Variants in RAB37 observed in about 807,000 individuals in gnomAD.
RAB37 encodes ras-related protein Rab-37.
A neutral mutation model predicts 33.1 loss-of-function variants in RAB37; 29 were observed. That is an observed-to-expected ratio of 0.88 (90% CI 0.65 to 1.20). The LOEUF (loss-of-function observed/expected upper bound fraction) is 1.20. Ranked by LOEUF, RAB37 falls within the 50% of genes most tolerant of loss-of-function variation. The pLI is 0.00. For missense variants in RAB37, 299 were observed against 301.1 expected (o/e 0.99, Z 0.05); for synonymous variants, 128 against 119.5 (o/e 1.07, Z -0.47).
intron 1 of RAB37, among the ~76,000 whole-genome samples, chr17:74,714,107 A>C (rs1032709128): frequency 4.6e-5 from 7 of 152,000 alleles, no homozygotes; most frequent in Non-Finnish European, 1.0e-4. Context: ...GTGACTCGGG[A>C]GGCCGAGGTA....
Position 74,745,139 on chromosome 17 carries a change from A to G in RAB37, c.566+55A>G. ...CGGGGCAGGGCGGCACACTCCAGGA[A>G]TCCAGTAGGGCCCGGCCCCTGGCCC... On this transcript the variant is annotated intron_variant, in intron 8 of 8. Transcript: ENST00000392613. This position sits in a 1 kb window ranked among gnomAD's most constrained non-coding sequence, Gnocchi z 4.5. The G allele has an allele frequency of 6.3e-7, 1 of 1,593,938 alleles. No individual in the cohort carries two copies. The highest frequency in any genetic ancestry group is 8.6e-7 in the Non-Finnish European group (1 of 1,162,872).
intron 1 of RAB37, among the ~76,000 whole-genome samples, chr17:74,711,512 C>A (rs1331695847): frequency 6.6e-6 from 1 of 152,224 alleles, no homozygotes; most frequent in East Asian, 1.9e-4. Flanking sequence ...GCCTAGCAGT[C>A]CTGGACAAGT....
chr17:74,719,717 A>G (rs554688323), intron 1 of RAB37, among the ~76,000 whole-genome samples: 1 of 152,064 alleles, frequency 6.6e-6, no homozygotes, highest in East Asian at 1.9e-4. Flanking sequence ...GGGTCTTCCT[A>G]TGTTTTCAAG....
chr17:74,736,613 TG>T (rs2034478555), upstream of RAB37: 6 of 1,533,382 alleles, frequency 3.9e-6, no homozygotes, highest in Middle Eastern at 3.8e-4. Flanking sequence ...TCTCCCCTGG[TG>T]GGACATTCTG....
At chr17:74,740,295 G>C (rs529418682) in intron 1 of RAB37, among the ~76,000 whole-genome samples, 128 of 151,796 alleles carry the variant, frequency 8.4e-4, no homozygotes, top group Middle Eastern at 3.2e-3. Context: ...GACTCCCTTG[G>C]GTGGGAATCC....
Position 74,695,611 on chromosome 17 carries a change from A to T in RAB37, c.72+23953A>T. On this transcript the variant is annotated intron_variant, in intron 1 of 7. Coordinates refer to the RAB37 transcript ENST00000340415. ...TGCAGTGACTATGGCTTTGCCCCAC[A>T]CCTGCCTCCTCTATGCCCACATGAG... The T allele has an allele frequency of 3.4e-6, 5 of 1,471,248 alleles. No individual in the cohort carries two copies. In the East Asian group the frequency reaches 1.2e-4, roughly 34 times the overall value. 91.1% of individuals were successfully genotyped at this position (1,471,248 alleles called of 1,614,324 possible).
intron 1 of RAB37, among the ~76,000 whole-genome samples, chr17:74,672,330 A>G (rs1429393510): frequency 6.6e-6 from 1 of 152,100 alleles, no homozygotes; most frequent in African/African-American, 2.4e-5. Context: ...CTCTGAAATA[A>G]TCAAAGTGTT....
chr17:74,703,453 G>C (rs1425991193), intron 1 of RAB37, among the ~76,000 whole-genome samples: 5 of 152,046 alleles, frequency 3.3e-5, no homozygotes, highest in Admixed American at 3.3e-4. Flanking sequence ...ACAGTGCCTT[G>C]GTCAATCTCC....
chr17:74,738,743 C>T lies in RAB37; in HGVS notation c.93+1378C>T, dbSNP rs2034540306. ...AGCGGCATTGGCCGGAGAGTTGGTCCCCAGCCTCCCCGGGCCTGCCCCAGG... is the reference window on the plus strand; with the variant it reads ...AGCGGCATTGGCCGGAGAGTTGGTCTCCAGCCTCCCCGGGCCTGCCCCAGG... On this transcript the variant is annotated intron_variant, in intron 1 of 8. Coordinates refer to ENST00000392613, the MANE Select transcript of RAB37 (RefSeq NM_001006638.3). This position sits in a 1 kb window ranked among gnomAD's most constrained non-coding sequence, Gnocchi z 5.0. 6.6e-6 allele frequency among the ~76,000 whole-genome samples: 1 copy of T among 152,128 alleles called. No individual in the cohort carries two copies. The highest frequency in any genetic ancestry group is 1.5e-5 in the Non-Finnish European group (1 of 68,008).
chr17:74,735,038 AAAG>A (rs1217889423), upstream of RAB37, among the ~76,000 whole-genome samples: 1 of 128,990 alleles, frequency 7.8e-6, no homozygotes, highest in Non-Finnish European at 1.7e-5. Flanking sequence ...AGAAAGAAAG[AAAG>A]AAAGAAAGAA....
In RAB37 at chr17:74,745,297, T is replaced by C. The variant is rs538968909; in HGVS notation, c.567-9T>C. ...CCAGCCCAGCCCAGCCCATTGTCTC[T>C]TCTTCAAGGGAACTGAAATACCGGG... On this transcript the variant is annotated splice_polypyrimidine_tract_variant and intron_variant, in intron 8 of 8. Transcript: ENST00000392613. The surrounding 1 kb of genome is among the most constrained non-coding windows in gnomAD (Gnocchi z 4.5). 2 of 1,610,164 alleles carry C rather than the reference T, an allele frequency of 1.2e-6. No individual in the cohort carries two copies. Among genetic ancestry groups the C allele is most frequent in the East Asian group, 4.5e-5 (2 of 44,856 alleles).
intron 1 of RAB37, chr17:74,704,624 C>A (rs542422427): frequency 3.1e-6 from 5 of 1,614,168 alleles, no homozygotes; most frequent in South Asian, 1.1e-5. Flanking sequence ...GATGGACACC[C>A]GGTCCCTCTT....
At position 74,729,010 on chromosome 17, in the gene RAB37, G is replaced by C. The variant is rs2034349768; in HGVS notation, c.73-246G>C. Among the ~76,000 whole-genome samples the C allele has an allele frequency of 1.3e-5, 2 of 151,796 alleles. No individual in the cohort carries two copies. Among genetic ancestry groups the C allele is most frequent in the South Asian group, 4.2e-4 (2 of 4,808 alleles). On this transcript the variant is annotated intron_variant, in intron 1 of 7. Transcript: ENST00000340415. This position sits in a 1 kb window ranked among gnomAD's most constrained non-coding sequence, Gnocchi z 4.2. ...TGTGTGCTTCTGTGTGTATGTTTCT[G>C]TGTGTATGTGTGTTCTGTGTGTGCA...
At chr17:74,728,030 T>C (rs2034327512) in intron 1 of RAB37, among the ~76,000 whole-genome samples, 1 of 152,184 alleles carries the variant, frequency 6.6e-6, no homozygotes, top group African/African-American at 2.4e-5. Flanking sequence ...TATGTGTTTG[T>C]GTTATACATG....
At position 74,729,021 on chromosome 17, in the gene RAB37, T is replaced by C. The variant is rs545233489; in HGVS notation, c.73-235T>C. Among the ~76,000 whole-genome samples, 7 of 152,242 alleles carry C rather than the reference T, an allele frequency of 4.6e-5. No homozygotes were observed. In the East Asian group the frequency reaches 1.2e-3, roughly 25 times the overall value. ...GTGTGTATGTTTCTGTGTGTATGTG[T>C]GTTCTGTGTGTGCATATATGTTTGT... On this transcript the variant is annotated intron_variant, in intron 1 of 7. Coordinates refer to the RAB37 transcript ENST00000340415. The surrounding 1 kb of genome is among the most constrained non-coding windows in gnomAD (Gnocchi z 4.2).
rs538599992 is a variant in RAB37, at chr17:74,738,942, G to C, written c.93+1577G>C. Among the ~76,000 whole-genome samples, 1 of 152,282 alleles carries C rather than the reference G, an allele frequency of 6.6e-6. No homozygotes were observed. Among genetic ancestry groups the C allele is most frequent in the South Asian group, 2.1e-4 (1 of 4,830 alleles). ...TAACAGACTCTAGAAATACCTCAAA[G>C]ACATTATCCCTCCTCCTTCTACCCA... is the stretch of plus-strand genomic sequence containing the variant. On this transcript the variant is annotated intron_variant, in intron 1 of 8. Coordinates refer to ENST00000392613, the MANE Select transcript of RAB37 (RefSeq NM_001006638.3). The surrounding 1 kb of genome is among the most constrained non-coding windows in gnomAD (Gnocchi z 5.0).
chr17:74,708,388 T>C (rs1032835463), intron 1 of RAB37, among the ~76,000 whole-genome samples: 2 of 152,088 alleles, frequency 1.3e-5, no homozygotes, highest in Non-Finnish European at 2.9e-5. Flanking sequence ...TTCCAGAGCA[T>C]AGAAAAAGAA....
At position 74,671,671 on chromosome 17, in the gene RAB37, T is replaced by A. The variant is rs762092943; in HGVS notation, c.72+13T>A. On this transcript the variant is annotated intron_variant, in intron 1 of 7. Transcript: ENST00000340415. This position sits in a 1 kb window ranked among gnomAD's most constrained non-coding sequence, Gnocchi z 5.0. ...CGTCCTGCATAAGGTAAACATCTCCTGTATTCCTCAACCTAACGTTGGAAG... is the reference window on the plus strand; with the variant it reads ...CGTCCTGCATAAGGTAAACATCTCCAGTATTCCTCAACCTAACGTTGGAAG... The A allele has an allele frequency of 1.7e-5, 27 of 1,607,502 alleles. No individual in the cohort carries two copies. The South Asian group carries it at 2.9e-4, about 17-fold the overall frequency.
chr17:74,698,651 G>T, intron 1 of RAB37: 1 of 1,457,962 alleles, frequency 6.9e-7, no homozygotes, highest in Non-Finnish European at 9.0e-7. Context: ...GGTTTACAAT[G>T]AGTACACATA....
Sources: gnomAD v4.1 joint callset for allele counts (sites outside exome capture counted in the v4.1 genomes callset) on GRCh38, gnomAD v4.1.1 for gene constraint, Gnocchi (gnomAD v3.1) non-coding constraint, MANE v1.5 for transcripts, NCBI Gene and HGNC (gene_info 2026-07-23, HGNC 2026-07-21) for gene names.